Variants in ANO3 observed in about 807,000 individuals in gnomAD.
The protein encoded by ANO3 is anoctamin-3.
A neutral mutation model predicts 144.8 loss-of-function variants in ANO3; 99 were observed. The ratio of observed to expected loss-of-function variants is 0.68; its 90% CI spans 0.58 to 0.81. ANO3 has a LOEUF of 0.81. ANO3 is among the 30% of genes least tolerant of loss of function. The pLI is 0.00. For synonymous variants in ANO3, 414 were observed against 392.6 expected (o/e 1.05, Z -0.64); for missense variants, 905 against 1,202.2 (o/e 0.75, Z 3.66).
chr11:26,564,160 T>C (rs1172782110), intron 14 of ANO3, among the ~76,000 whole-genome samples: 1 of 151,776 alleles, frequency 6.6e-6, no homozygotes, highest in African/African-American at 2.4e-5. Flanking sequence ...AAGTACTCAG[T>C]ATTCTCAATA....
intron 1 of ANO3, among the ~76,000 whole-genome samples, chr11:26,402,353 C>G (rs1365868866): frequency 1.3e-5 from 2 of 151,988 alleles, no homozygotes; most frequent in African/African-American, 2.4e-5. Context: ...GAGATGTTAT[C>G]TCATTGTGGT....
At chr11:26,426,326 G>A (rs1269548417) in intron 1 of ANO3, among the ~76,000 whole-genome samples, 4 of 152,064 alleles carry the variant, frequency 2.6e-5, no homozygotes. Context: ...AGTTGGCCAA[G>A]GCATAAGGAA....
At chr11:26,605,488 T>G (rs1309818549) in intron 17 of ANO3, among the ~76,000 whole-genome samples, 1 of 152,214 alleles carries the variant, frequency 6.6e-6, no homozygotes, top group Non-Finnish European at 1.5e-5. Context: ...TTGGAATAGT[T>G]ACAGAAGGAA....
At chr11:26,354,533 T>C (rs919232632) in intron 1 of ANO3, among the ~76,000 whole-genome samples, 1 of 152,108 alleles carries the variant, frequency 6.6e-6, no homozygotes, top group African/African-American at 2.4e-5. Flanking sequence ...AACAAAAACC[T>C]TCCAGTATAT....
chr11:26,378,378 A>G (rs7944577), intron 1 of ANO3, among the ~76,000 whole-genome samples: 78,345 of 147,054 alleles, frequency 0.53, 22,068 homozygotes, highest in East Asian at 0.68. Context: ...TTATCTATAT[A>G]TCTATATATA....
At chr11:26,358,302 G>A (rs555970009) in intron 1 of ANO3, among the ~76,000 whole-genome samples, 1 of 151,100 alleles carries the variant, frequency 6.6e-6, no homozygotes, top group Admixed American at 6.6e-5. Context: ...GTCCTGAGTA[G>A]CTGGGACTAA....
At chr11:26,526,888 T>C (rs1266693336) in intron 7 of ANO3, among the ~76,000 whole-genome samples, 1 of 152,140 alleles carries the variant, frequency 6.6e-6, no homozygotes, top group African/African-American at 2.4e-5. Flanking sequence ...CAGTCATTTT[T>C]GCTAATAAAA....
chr11:26,296,055 T>C (rs12273817), intron 1 of ANO3, among the ~76,000 whole-genome samples: 24,933 of 152,184 alleles, frequency 0.16, 2,479 homozygotes, highest in African/African-American at 0.28. Context: ...TTTGTCCAAA[T>C]ATGTGTTTCT....
intron 1 of ANO3, among the ~76,000 whole-genome samples, chr11:26,432,745 G>T (rs956736022): frequency 6.6e-6 from 1 of 151,966 alleles, no homozygotes; most frequent in African/African-American, 2.4e-5. Flanking sequence ...TCTCTATGCT[G>T]CTCCTTTGGT....
intron 1 of ANO3, among the ~76,000 whole-genome samples, chr11:26,378,310 T>G (rs114897761): frequency 1.2e-3 from 178 of 149,174 alleles, no homozygotes; most frequent in African/African-American, 4.2e-3. Context: ...ATACTATATA[T>G]ATAGATAGAT....
At chr11:26,498,712 A>G (rs1479801044) in intron 4 of ANO3, among the ~76,000 whole-genome samples, 1 of 151,766 alleles carries the variant, frequency 6.6e-6, no homozygotes, top group Non-Finnish European at 1.5e-5. Context: ...ACTTCTGTAT[A>G]ATATTCCCTG....
chr11:26,217,093 C>A (rs1297653363), intron 1 of ANO3, among the ~76,000 whole-genome samples: 2 of 151,810 alleles, frequency 1.3e-5, no homozygotes, highest in African/African-American at 2.4e-5. Flanking sequence ...CAATTTTTTT[C>A]TTTCATGGAT....
chr11:26,443,910 T>A (rs2134026440), intron 3 of ANO3, 74 bp downstream of exon 3: 1 of 1,014,216 alleles, frequency 9.9e-7, no homozygotes, highest in Non-Finnish European at 1.5e-6. Flanking sequence ...TAAAAAAAAC[T>A]AGCATTTTTT....
chr11:26,651,663 C>T (rs1043720664), intron 24 of ANO3, among the ~76,000 whole-genome samples: 2 of 151,744 alleles, frequency 1.3e-5, no homozygotes, highest in Non-Finnish European at 2.9e-5. Flanking sequence ...TTCTAAATTT[C>T]TCAGCTTTAA....
At chr11:26,266,803 C>T (rs866250147) in intron 1 of ANO3, among the ~76,000 whole-genome samples, 9 of 148,406 alleles carry the variant, frequency 6.1e-5, no homozygotes, top group Non-Finnish European at 1.3e-4. Flanking sequence ...GACTTTCAGC[C>T]GGGTGTGGTG....
At chr11:26,398,977 G>C (rs778593545) in intron 1 of ANO3, among the ~76,000 whole-genome samples, 7 of 152,122 alleles carry the variant, frequency 4.6e-5, no homozygotes, top group Non-Finnish European at 8.8e-5. Flanking sequence ...GGTAATGACA[G>C]ACAGGCCACT....
At chr11:26,473,864 C>A (rs1344345720) in intron 4 of ANO3, 1 of 916,220 alleles carries the variant, frequency 1.1e-6, no homozygotes, top group African/African-American at 1.8e-5. Flanking sequence ...ATAAAAAATA[C>A]AGATGTTCTT....
chr11:26,427,157 T>G (rs145027217), intron 1 of ANO3: 1 of 205,512 alleles, frequency 4.9e-6, no homozygotes, highest in African/African-American at 2.3e-5. Flanking sequence ...AAAACAAACA[T>G]GTTTAGACCC....
chr11:26,383,862 G>A (rs188957506), intron 1 of ANO3, among the ~76,000 whole-genome samples: 1 of 143,140 alleles, frequency 7.0e-6, no homozygotes, highest in Non-Finnish European at 1.5e-5. Flanking sequence ...TTTGTGCCAC[G>A]CATTGTTCTT....
Sources: gnomAD v4.1 joint callset for allele counts (sites outside exome capture counted in the v4.1 genomes callset) on GRCh38, gnomAD v4.1.1 for gene constraint, MANE v1.5 for transcripts, NCBI Gene and HGNC (gene_info 2026-07-23, HGNC 2026-07-21) for gene names.